IARS1: variants seen among roughly 807,000 people sequenced by gnomAD.
The protein encoded by IARS1 is isoleucyl-tRNA synthetase 1.
IARS1 carries 124 observed loss-of-function variants against 168.2 expected under a neutral mutation model. The ratio of observed to expected loss-of-function variants is 0.74; its 90% CI spans 0.64 to 0.86. The LOEUF is 0.86. Ranked by LOEUF, IARS1 falls within the 40% of genes least tolerant of loss-of-function variation. IARS1 has a pLI of 0.00. For missense variants in IARS1, 1,452 were observed against 1,515.8 expected (o/e 0.96, Z 0.70); for synonymous variants, 532 against 529.4 (o/e 1.00, Z -0.07).
chr9:92,227,960 G>A (rs1363284403), intron 31 of IARS1, among the ~76,000 whole-genome samples: 2 of 152,186 alleles, frequency 1.3e-5, no homozygotes, highest in African/African-American at 4.8e-5. Context: ...CTGCAATCTC[G>A]GCACTTTGGG....
chr9:92,291,468 G>C (rs1330482309), intron 1 of IARS1, among the ~76,000 whole-genome samples: 1 of 152,134 alleles, frequency 6.6e-6, no homozygotes, highest in African/African-American at 2.4e-5. Context: ...TAATTTTTCA[G>C]ATGTGTGAGT....
intron 16 of IARS1, 87 bp from the exon 17 acceptor site, chr9:92,263,142 T>C: frequency 1.1e-6 from 1 of 928,004 alleles, no homozygotes; most frequent in Non-Finnish European, 1.7e-6. Flanking sequence ...TGAATTTCTA[T>C]TTTTGATAAG....
At chr9:92,243,385 A>G in intron 27 of IARS1, 74 bp from the exon 28 acceptor site, 1 of 1,005,326 alleles carries the variant, frequency 9.9e-7, no homozygotes, top group Middle Eastern at 2.1e-4. Context: ...GCAAAATGTT[A>G]TTTAAATCTG....
rs752656493 is a variant in IARS1 at position 92,265,558 on chromosome 9, C to G, written c.1432-5G>C. ...CACTGACCCAATGCATACCACCTGT[C>G]AAAAACAAAGTTCAATAGCAGGAGC... On this transcript the variant is annotated splice_polypyrimidine_tract_variant and splice_region_variant and intron_variant, in intron 14 of 33. Transcript: ENST00000443024. 1.2e-5 allele frequency: 20 copies of G among 1,613,520 alleles called. No individual in the cohort carries two copies. The South Asian group carries it at 2.0e-4, about 16-fold the overall frequency.
At chr9:92,214,775 C>T (rs1838359290) in intron 33 of IARS1, among the ~76,000 whole-genome samples, 1 of 152,230 alleles carries the variant, frequency 6.6e-6, no homozygotes, top group Non-Finnish European at 1.5e-5. Flanking sequence ...GGTCCTACGC[C>T]CACGGAGTCT....
At position 92,250,974 on chromosome 9, in the gene IARS1, C is replaced by T. The variant is rs1829934836; in HGVS notation, c.2308-140G>A. The T allele has an allele frequency of 6.9e-6, 6 of 872,926 alleles. No individual in the cohort carries two copies. In the East Asian group the frequency reaches 1.6e-4, roughly 23 times the overall value. The allele number at this position is 872,926 out of a possible 1,614,324, so 54.1% of individuals were successfully genotyped here. On this transcript the variant is annotated intron_variant, in intron 22 of 33. Coordinates refer to ENST00000443024, the MANE Select transcript of IARS1 (RefSeq NM_002161.6). ...ATGAGCATGAGGTTACAAAACATGC[C>T]CTGTGAATGAGAAATGGCCTCATAT...
chr9:92,254,209 T>C (rs1011802690), intron 20 of IARS1, among the ~76,000 whole-genome samples: 1 of 152,140 alleles, frequency 6.6e-6, no homozygotes, highest in African/African-American at 2.4e-5. Context: ...CTTGAGGAAT[T>C]AGGAGGATTT....
intron 5 of IARS1, 47 bp downstream of exon 5, chr9:92,286,489 C>T (rs201609955): frequency 2.0e-6 from 2 of 1,025,290 alleles, no homozygotes. Context: ...ATTATCAATA[C>T]AACAGAATAG....
chr9:92,236,883 C>T (rs1032065865), intron 30 of IARS1, among the ~76,000 whole-genome samples: 7 of 152,262 alleles, frequency 4.6e-5, no homozygotes, highest in East Asian at 3.9e-4. Context: ...ATAGTATTTG[C>T]GTTTTTGATT....
chr9:92,273,768 A>G (rs747330041), intron 10 of IARS1, among the ~76,000 whole-genome samples: 6 of 152,250 alleles, frequency 3.9e-5, no homozygotes, highest in Admixed American at 6.5e-5. Flanking sequence ...ACTGCCTTTT[A>G]GAACAAAGTC....
chr9:92,251,917 A>G lies in IARS1; in HGVS notation c.2230-32T>C, dbSNP rs762016425. The G allele has an allele frequency of 2.1e-6, 3 of 1,416,362 alleles. No individual in the cohort carries two copies. In the Admixed American group the frequency reaches 5.1e-5, roughly 24 times the overall value. The allele number at this position is 1,416,362 out of a possible 1,614,324, so 87.7% of individuals were successfully genotyped here. ...AGTAAAAAGGAAACATAAACATTAA[A>G]CTGTTAAATAAGTGTTTATCATTAA... On this transcript the variant is annotated intron_variant, in intron 21 of 33. Transcript: ENST00000443024.
rs1272142227 is a variant in IARS1 at position 92,278,292 on chromosome 9, A to G, written c.746-6T>C. 6.3e-7 allele frequency: 1 copy of G among 1,590,058 alleles called. No homozygotes were observed. Among genetic ancestry groups the G allele is most frequent in the Non-Finnish European group, 8.6e-7 (1 of 1,158,384 alleles). ...TAATCGTCCTCTGGCAACATCTACG[A>G]GAAAAAGGAAAAACATGGACTTGGG... On this transcript the variant is annotated splice_polypyrimidine_tract_variant and splice_region_variant and intron_variant, in intron 7 of 33. Coordinates refer to ENST00000443024, the MANE Select transcript of IARS1 (RefSeq NM_002161.6).
intron 6 of IARS1, among the ~76,000 whole-genome samples, chr9:92,281,612 T>C (rs373881272): frequency 3.9e-5 from 6 of 152,136 alleles, no homozygotes; most frequent in African/African-American, 1.2e-4. Context: ...ATACTTGAAA[T>C]TGTAACAGAC....
chr9:92,280,630 A>G (rs1032237712), intron 7 of IARS1, 116 bp downstream of exon 7: 2 of 578,370 alleles, frequency 3.5e-6, no homozygotes, highest in African/African-American at 3.8e-5. Context: ...TAATTAAGTC[A>G]GATTGTTTTC....
At position 92,242,344 on chromosome 9, in the gene IARS1, C is replaced by T. The variant is rs1828556819; in HGVS notation, c.3001-14G>A. ...AACCAGATTGCACTGAAAACACACACAGAAAAATTTAAAAGGGAAGTACAT... is the reference window on the plus strand; with the variant it reads ...AACCAGATTGCACTGAAAACACACATAGAAAAATTTAAAAGGGAAGTACAT... On this transcript the variant is annotated splice_polypyrimidine_tract_variant and intron_variant, in intron 28 of 33. Coordinates refer to ENST00000443024, the MANE Select transcript of IARS1 (RefSeq NM_002161.6). 1 of 1,601,714 alleles carries T rather than the reference C, an allele frequency of 6.2e-7. No homozygotes were observed. The highest frequency in any genetic ancestry group is 8.5e-7 in the Non-Finnish European group (1 of 1,174,338).
In IARS1 at chr9:92,251,816, T is replaced by G; in HGVS notation, c.2299A>C (p.Arg767=). 1 of 1,613,650 alleles carries G rather than the reference T, an allele frequency of 6.2e-7. No homozygotes were observed. The highest frequency in any genetic ancestry group is 1.3e-5 in the African/African-American group (1 of 75,018). The change falls in exon 22 of 34, where the codon AGA becomes CGA. Residue 767 remains arginine (R), a synonymous_variant. Coordinates refer to ENST00000443024, the MANE Select transcript of IARS1 (RefSeq NM_002161.6). Reference sequence around the variant, plus strand: ...GAAGCCAATCATCTTACCATAAGTCTGCAAAGAGAAAGCAGAACACTAAAC... The same window carrying G: ...GAAGCCAATCATCTTACCATAAGTCGGCAAAGAGAAAGCAGAACACTAAAC... The part of the protein sequence containing the change: ...TLFSVLLSLC[R]LMAPYTPFLT...
At position 92,280,837 on chromosome 9, in the gene IARS1, T is replaced by C; in HGVS notation, c.654A>G (p.Val218=). Residue 218 remains valine (V), a synonymous_variant, in exon 7 of 34, where the codon GTA becomes GTG. Transcript: ENST00000443024. ...VTFPLEEDET[V]SLVAWTTTPW... The stretch of plus-strand genomic sequence containing the variant: ...GAGTGGTTGTCCAAGCAACTAAAGA[T>C]ACAGTTTCATCTTCTTCCAAAGGGA... 1.2e-6 allele frequency: 2 copies of C among 1,610,606 alleles called. No homozygotes were observed. Among genetic ancestry groups the C allele is most frequent in the Non-Finnish European group, 8.5e-7 (1 of 1,176,968 alleles).
intron 9 of IARS1, among the ~76,000 whole-genome samples, chr9:92,275,575 A>G (rs1833667751): frequency 6.6e-6 from 1 of 152,240 alleles, no homozygotes; most frequent in African/African-American, 2.4e-5. Flanking sequence ...GACAGAATAC[A>G]TGGGTCCTTA....
chr9:92,267,041 G>A (rs190715071), intron 14 of IARS1, among the ~76,000 whole-genome samples: 6 of 152,224 alleles, frequency 3.9e-5, no homozygotes, highest in South Asian at 2.1e-4. Flanking sequence ...TCGTATATGC[G>A]GTCTGTCATT....
Sources: allele counts gnomAD v4.1 joint callset (sites outside exome capture counted in the v4.1 genomes callset), GRCh38; gene constraint gnomAD v4.1.1; transcripts MANE v1.5; gene names NCBI Gene and HGNC (gene_info 2026-07-23, HGNC 2026-07-21).